The following AIG1 variants were observed in gnomAD, a reference collection of about 807,000 sequenced individuals.
AIG1 encodes androgen induced 1.
Under a neutral mutation model 31.4 loss-of-function variants are expected in AIG1, and 23 were observed. That is an observed-to-expected ratio of 0.73 (90% CI 0.53 to 1.04). The LOEUF (loss-of-function observed/expected upper bound fraction) is 1.04. Among genes scored for constraint, AIG1 ranks in the 50% least tolerant of loss-of-function variants. The pLI is 0.00. For synonymous variants in AIG1, 100 were observed against 110.5 expected (o/e 0.90, Z 0.60); for missense variants, 274 against 295.0 (o/e 0.93, Z 0.52).
At chr6:143,273,022 G>C (rs991290275) in intron 3 of AIG1, among the ~76,000 whole-genome samples, 1 of 152,112 alleles carries the variant, frequency 6.6e-6, no homozygotes, top group Admixed American at 6.6e-5. Flanking sequence ...CCAGCTACTT[G>C]GGAGGCTGAG....
chr6:143,138,385 T>C (rs774134715), intron 2 of AIG1, among the ~76,000 whole-genome samples: 2 of 152,214 alleles, frequency 1.3e-5, no homozygotes, highest in Non-Finnish European at 2.9e-5. Context: ...AGCACAAAGA[T>C]ACATACTTTC....
At chr6:143,065,014 A>G (rs1304349479) in intron 1 of AIG1, among the ~76,000 whole-genome samples, 1 of 152,222 alleles carries the variant, frequency 6.6e-6, no homozygotes, top group Non-Finnish European at 1.5e-5. Context: ...AGGGGGTGAC[A>G]AGGTACATGG....
Position 143,284,336 on chromosome 6 carries a change from C to A in AIG1, c.515+111C>A. On this transcript the variant is annotated intron_variant, in intron 4 of 5. Transcript: ENST00000357847. The surrounding 1 kb of genome is among the most constrained non-coding windows in gnomAD (Gnocchi z 4.4). ...ACTAACAGATTCACGCTGTGTGCCG[C>A]ATTTGGTCCAAGACCTGGGCTTTGT... 1 of 725,552 alleles carries A rather than the reference C, an allele frequency of 1.4e-6. No homozygotes were observed. The highest frequency in any genetic ancestry group is 3.9e-4 in the Middle Eastern group (1 of 2,560). The allele number at this position is 725,552 out of a possible 1,614,324, so 44.9% of individuals were successfully genotyped here.
intron 3 of AIG1, chr6:143,188,144 A>C (rs1789441638): frequency 1.0e-6 from 1 of 1,003,772 alleles, no homozygotes; most frequent in Non-Finnish European, 1.2e-6. Flanking sequence ...GGATGAAGTT[A>C]ATGGATAGAG....
At chr6:143,077,457 G>C (rs942077019) in intron 1 of AIG1, among the ~76,000 whole-genome samples, 4 of 152,110 alleles carry the variant, frequency 2.6e-5, no homozygotes, top group Non-Finnish European at 5.9e-5. Flanking sequence ...GGATATTTTT[G>C]CTGGATATAA....
intron 3 of AIG1, chr6:143,187,931 A>G (rs1245222820): frequency 5.2e-5 from 68 of 1,311,118 alleles, no homozygotes; most frequent in Non-Finnish European, 6.5e-5. Context: ...TAACCTCCAT[A>G]AGGAATGATA....
intron 2 of AIG1, among the ~76,000 whole-genome samples, chr6:143,157,862 A>T (rs1785949684): frequency 6.6e-6 from 1 of 152,004 alleles, no homozygotes; most frequent in Non-Finnish European, 1.5e-5. Flanking sequence ...TTAAAATCAT[A>T]TTCCTCTCTA....
Position 143,165,105 on chromosome 6 carries a change from C to T in AIG1, c.321C>T (p.Ile107=). ...VGVFVVAVFW[I]IYAYDREMIY... The stretch of plus-strand genomic sequence containing the variant: ...AGTTTGTTGTAGCAGTGTTCTGGAT[C>T]ATTTATGCCTATGACAGAGAGATGA... The change falls in exon 3 of 6, where the codon ATC becomes ATT. Residue 107 remains isoleucine, a synonymous_variant. Coordinates refer to ENST00000357847, the MANE Select transcript of AIG1 (RefSeq NM_016108.4). 1 of 1,613,284 alleles carries T rather than the reference C, an allele frequency of 6.2e-7. No homozygotes were observed. Among genetic ancestry groups the T allele is most frequent in the Non-Finnish European group, 8.5e-7 (1 of 1,179,382 alleles).
At chr6:143,321,267 T>C (rs1047061086) in intron 4 of AIG1, among the ~76,000 whole-genome samples, 7 of 152,168 alleles carry the variant, frequency 4.6e-5, no homozygotes, top group Admixed American at 4.6e-4. Flanking sequence ...ACATTAATTA[T>C]GTATACCTTC....
chr6:143,183,031 G>A (rs778206732), intron 3 of AIG1, among the ~76,000 whole-genome samples: 1 of 152,294 alleles, frequency 6.6e-6, no homozygotes, highest in East Asian at 1.9e-4. Flanking sequence ...ATATTATATT[G>A]CCATTTTTGC....
At chr6:143,115,852 G>C (rs918718125) in intron 1 of AIG1, among the ~76,000 whole-genome samples, 1 of 152,150 alleles carries the variant, frequency 6.6e-6, no homozygotes, top group Non-Finnish European at 1.5e-5. Flanking sequence ...AGGTGTACTG[G>C]CTGTGTCCTG....
intron 3 of AIG1, among the ~76,000 whole-genome samples, chr6:143,283,140 C>G (rs769259365): frequency 1.3e-5 from 2 of 152,180 alleles, no homozygotes; most frequent in Non-Finnish European, 2.9e-5. Context: ...CACTAAATTT[C>G]AAAACCAAGG....
At chr6:143,169,469 C>A (rs1471531286) in intron 3 of AIG1, among the ~76,000 whole-genome samples, 14 of 152,160 alleles carry the variant, frequency 9.2e-5, no homozygotes, top group Admixed American at 8.5e-4. Flanking sequence ...ATCCTCTCTT[C>A]TAGCTTTTTG....
intron 3 of AIG1, among the ~76,000 whole-genome samples, chr6:143,247,079 G>T (rs1468081113): frequency 6.6e-6 from 1 of 152,168 alleles, no homozygotes; most frequent in Non-Finnish European, 1.5e-5. Flanking sequence ...GTGATGCTGT[G>T]TGATAATATG....
At position 143,338,199 on chromosome 6, in the gene AIG1, GAC is replaced by G. The variant is rs1777650536; in HGVS notation, c.680-1436_680-1435del. The G allele has an allele frequency of 2.5e-6, 1 of 395,328 alleles. No individual in the cohort carries two copies. Among genetic ancestry groups the G allele is most frequent in the South Asian group, 1.4e-4 (1 of 7,004 alleles). The allele number at this position is 395,328 out of a possible 1,614,324, so 24.5% of individuals were successfully genotyped here. A position where few individuals can be genotyped will look rare whatever the true frequency, so the allele number is the denominator to read the frequency against. ...GAATATGGACAGAGCTGAGGTTCAA[GAC>G]ACATGTGCTGTTTGAGCTGAATCTG... On this transcript the variant is annotated intron_variant, in intron 5 of 5. Coordinates refer to ENST00000357847, the MANE Select transcript of AIG1 (RefSeq NM_016108.4). The surrounding 1 kb of genome is among the most constrained non-coding windows in gnomAD (Gnocchi z 4.3).
At chr6:143,305,606 C>G (rs1412161469) in intron 4 of AIG1, among the ~76,000 whole-genome samples, 1 of 152,078 alleles carries the variant, frequency 6.6e-6, no homozygotes, top group Admixed American at 6.5e-5. Flanking sequence ...GTTATAATTT[C>G]TGTTCTTTTA....
chr6:143,273,707 A>C (rs1796700729), intron 3 of AIG1, among the ~76,000 whole-genome samples: 1 of 152,192 alleles, frequency 6.6e-6, no homozygotes, highest in African/African-American at 2.4e-5. Flanking sequence ...ATGAGAGCCA[A>C]GCAAAAGGGG....
intron 3 of AIG1, among the ~76,000 whole-genome samples, chr6:143,240,514 C>T (rs1256771682): frequency 6.6e-6 from 1 of 152,164 alleles, no homozygotes; most frequent in Non-Finnish European, 1.5e-5. Flanking sequence ...CCCTGTTCTG[C>T]CTAGGATAAT....
At chr6:143,176,230 A>C (rs1028544176) in intron 3 of AIG1, among the ~76,000 whole-genome samples, 1 of 152,148 alleles carries the variant, frequency 6.6e-6, no homozygotes, top group Non-Finnish European at 1.5e-5. Flanking sequence ...AGTGGACTCC[A>C]TGAGGGTTCT....
Sources: gnomAD v4.1 joint callset for allele counts (sites outside exome capture counted in the v4.1 genomes callset) on GRCh38, gnomAD v4.1.1 for gene constraint, Gnocchi (gnomAD v3.1) non-coding constraint, MANE v1.5 for transcripts, NCBI Gene and HGNC (gene_info 2026-07-23, HGNC 2026-07-21) for gene names.